The following SAMMSON variants were observed in gnomAD, a reference collection of about 807,000 sequenced individuals.
SAMMSON encodes the protein long intergenic non-protein coding RNA 1212.
chr3:70,384,383 A>G (rs2106753702), intron 9 of SAMMSON, among the ~76,000 whole-genome samples: 1 of 152,202 alleles, frequency 6.6e-6, no homozygotes, highest in East Asian at 1.9e-4. Flanking sequence ...CACATTTATT[A>G]TAATATAGAA....
chr3:70,403,596 T>C (rs1280662327), intron 2 of SAMMSON, among the ~76,000 whole-genome samples: 2 of 152,218 alleles, frequency 1.3e-5, no homozygotes, highest in Non-Finnish European at 2.9e-5. Flanking sequence ...ATTCATTTAC[T>C]TATTTTCTAT....
At chr3:70,259,089 G>T (rs1375246813) in intron 6 of SAMMSON, among the ~76,000 whole-genome samples, 6 of 152,106 alleles carry the variant, frequency 3.9e-5, no homozygotes, top group Admixed American at 6.6e-5. Context: ...AAATTATACG[G>T]TACCTCCTGC....
At chr3:70,390,836 T>A (rs1701039070), downstream of SAMMSON, among the ~76,000 whole-genome samples, 1 of 152,156 alleles carries the variant, frequency 6.6e-6, no homozygotes, top group Non-Finnish European at 1.5e-5. Flanking sequence ...GTCTTGTAAC[T>A]TTCCAAAACA....
At chr3:70,269,452 T>A (rs945492232) in intron 6 of SAMMSON, among the ~76,000 whole-genome samples, 4 of 152,196 alleles carry the variant, frequency 2.6e-5, no homozygotes, top group Non-Finnish European at 5.9e-5. Flanking sequence ...CATGTTCAAG[T>A]AAGGCAAATG....
At chr3:70,057,906 T>C (rs894902121) in intron 3 of SAMMSON, among the ~76,000 whole-genome samples, 1 of 151,914 alleles carries the variant, frequency 6.6e-6, no homozygotes, top group African/African-American at 2.4e-5. Flanking sequence ...CTGTTCCAGG[T>C]CAAACAAAAT....
chr3:70,268,997 G>A lies in SAMMSON; in HGVS notation n.674+19327G>A, dbSNP rs1423393940. On this transcript the variant is annotated intron_variant and non_coding_transcript_variant, in intron 6 of 9. Coordinates refer to ENST00000642114, the Ensembl canonical transcript of SAMMSON. ...TCTTAACCTTCTTGTATATTACAAA[G>A]TTTAAATAAAAAAAGAAATAGAAAA... Among the ~76,000 whole-genome samples the A allele has an allele frequency of 2.6e-5, 4 of 152,006 alleles. No individual in the cohort carries two copies. The East Asian group carries it at 7.7e-4, about 29-fold the overall frequency.
At chr3:70,330,682 G>T (rs771210766) in intron 7 of SAMMSON, among the ~76,000 whole-genome samples, 11 of 152,070 alleles carry the variant, frequency 7.2e-5, no homozygotes, top group Non-Finnish European at 4.4e-5. Flanking sequence ...AAGTAACCAA[G>T]TGAAGTATAC....
At chr3:70,050,310 G>T (rs1354357859) in intron 3 of SAMMSON, among the ~76,000 whole-genome samples, 1 of 152,132 alleles carries the variant, frequency 6.6e-6, no homozygotes, top group East Asian at 1.9e-4. Flanking sequence ...ACGCAATATA[G>T]TTATTTATGA....
intron 2 of SAMMSON, among the ~76,000 whole-genome samples, chr3:70,406,030 T>C (rs994443745): frequency 6.6e-6 from 1 of 152,128 alleles, no homozygotes; most frequent in Non-Finnish European, 1.5e-5. Flanking sequence ...TTCTTGAAAA[T>C]TGCTGAAAGA....
chr3:70,312,249 A>G (rs1255489053), intron 7 of SAMMSON, among the ~76,000 whole-genome samples: 1 of 152,234 alleles, frequency 6.6e-6, no homozygotes, highest in African/African-American at 2.4e-5. Context: ...ATAACAGATT[A>G]ACAACTAGCC....
At chr3:70,029,487 C>G (rs566528143) in intron 3 of SAMMSON, among the ~76,000 whole-genome samples, 100 of 152,190 alleles carry the variant, frequency 6.6e-4, no homozygotes, top group African/African-American at 2.4e-3. Context: ...GGCGTGGTAG[C>G]TCATGCCTGT....
intron 4 of SAMMSON, among the ~76,000 whole-genome samples, chr3:70,181,124 A>G (rs989107072): frequency 2.6e-5 from 4 of 152,170 alleles, no homozygotes; most frequent in African/African-American, 9.7e-5. Flanking sequence ...TTCAGTTTGC[A>G]TTCTAAAGAG....
intron 9 of SAMMSON, among the ~76,000 whole-genome samples, chr3:70,384,177 C>A (rs1703101577): frequency 6.6e-6 from 1 of 152,006 alleles, no homozygotes; most frequent in African/African-American, 2.4e-5. Flanking sequence ...TTGCTACCTG[C>A]TGATTTAATC....
chr3:70,411,276 T>G (rs1007255846), intron 2 of SAMMSON, among the ~76,000 whole-genome samples: 12 of 152,198 alleles, frequency 7.9e-5, no homozygotes, highest in Admixed American at 7.2e-4. Context: ...TAGCTTTAGA[T>G]AGCTTAGATT....
intron 3 of SAMMSON, among the ~76,000 whole-genome samples, chr3:70,028,926 G>A (rs763938942): frequency 6.6e-5 from 10 of 152,168 alleles, no homozygotes; most frequent in Non-Finnish European, 1.5e-4. Flanking sequence ...AACTCAAGCA[G>A]GTACAGTTGT....
At chr3:70,394,469 A>G (rs1486673172), downstream of SAMMSON, among the ~76,000 whole-genome samples, 2 of 152,168 alleles carry the variant, frequency 1.3e-5, no homozygotes, top group African/African-American at 2.4e-5. Flanking sequence ...GACAAAGTTA[A>G]GAGAAGCTCT....
chr3:70,214,034 G>A (rs9842452), intron 4 of SAMMSON, among the ~76,000 whole-genome samples: 3,386 of 152,098 alleles, frequency 0.022, 100 homozygotes, highest in African/African-American at 0.076. Flanking sequence ...AAGCTGAGTG[G>A]ATAATTTTCT....
chr3:70,301,068 A>G (rs909606837), intron 7 of SAMMSON, among the ~76,000 whole-genome samples: 2 of 152,112 alleles, frequency 1.3e-5, no homozygotes, highest in Non-Finnish European at 2.9e-5. Flanking sequence ...TTTAAAAAAG[A>G]CGATGTTAGC....
chr3:70,408,292 AAT>A (rs1701192430), intron 2 of SAMMSON, among the ~76,000 whole-genome samples: 1 of 152,228 alleles, frequency 6.6e-6, no homozygotes, highest in Admixed American at 6.5e-5. Context: ...TGCTTATGCA[AAT>A]ATCTGCAACC....
Sources: allele counts gnomAD v4.1 joint callset (sites outside exome capture counted in the v4.1 genomes callset), GRCh38; gene constraint gnomAD v4.1.1; transcripts MANE v1.5; gene names NCBI Gene and HGNC (gene_info 2026-07-23, HGNC 2026-07-21).